SBF2: variants seen among roughly 807,000 people sequenced by gnomAD.
The protein encoded by SBF2 is SET binding factor 2.
SBF2 carries 112 observed loss-of-function variants against 225.2 expected under a neutral mutation model. The observed-to-expected ratio is 0.50, with a 90% CI of 0.43 to 0.58. SBF2 has a LOEUF of 0.58. Ranked by LOEUF, SBF2 falls within the 20% of genes least tolerant of loss-of-function variation. The probability of loss-of-function intolerance (pLI) is 0.00; values close to 1 mark genes in which losing one functional copy is unlikely to be tolerated. For missense variants in SBF2, 1,996 were observed against 2,206.2 expected, an observed-to-expected ratio of 0.90 and a Z score of 1.91; for synonymous variants, 763 against 773.3, an observed-to-expected ratio of 0.99 and a Z score of 0.22.
At chr11:10,254,900 C>CAAAAAAAAAAAAAAAAAAAAAA (rs71034757) in intron 1 of SBF2, among the ~76,000 whole-genome samples, 21 of 44,074 alleles carry the variant, frequency 4.8e-4, no homozygotes, top group East Asian at 9.3e-4. Context: ...GACTCTGTCT[C>CAAAAAAAAAAAAAAAAAAAAAA]AAAAAAAAAA....
chr11:10,267,004 G>A (rs1459945119), intron 1 of SBF2, among the ~76,000 whole-genome samples: 2 of 152,230 alleles, frequency 1.3e-5, no homozygotes, highest in Non-Finnish European at 2.9e-5. Context: ...TGAGGCAGGA[G>A]AATCGCTTGA....
chr11:9,787,684 G>T lies in SBF2; in HGVS notation c.4987C>A (p.Leu1663Met), dbSNP rs1299342301. ...AGGTCCACGGTTACCCTTTCCCACA[G>T]CTGCTGCCACTTCTCAGGGGCTTGG... ...LNQAPEKWQQ[L>M]WERVTVDLKE... The change falls in exon 36 of 40, where the codon CTG becomes ATG. Residue 1663 changes from leucine to methionine, a missense_variant. Physicochemically the swap from Leu to Met is conservative, Grantham distance 15. Coordinates refer to ENST00000256190, the MANE Select transcript of SBF2 (RefSeq NM_030962.4). The T allele has an allele frequency of 6.2e-7, 1 of 1,614,182 alleles. No homozygotes were observed. The highest frequency in any genetic ancestry group is 1.7e-5 in the Admixed American group (1 of 60,014).
intron 29 of SBF2, among the ~76,000 whole-genome samples, chr11:9,813,435 C>T (rs1590141922): frequency 6.6e-6 from 1 of 152,150 alleles, no homozygotes; most frequent in Middle Eastern, 3.2e-3. Context: ...TCAAGCGATT[C>T]TCCTGCCTCA....
At chr11:10,159,586 TC>T (rs1955634767) in intron 2 of SBF2, among the ~76,000 whole-genome samples, 2 of 152,112 alleles carry the variant, frequency 1.3e-5, no homozygotes, top group Admixed American at 1.3e-4. Context: ...CTCACTGGCT[TC>T]CCCCTAAGTT....
chr11:9,812,422 T>G, intron 30 of SBF2, 110 bp downstream of exon 30: 1 of 1,124,254 alleles, frequency 8.9e-7, no homozygotes, highest in Non-Finnish European at 1.3e-6. Context: ...AGGAGGAGAA[T>G]GTTGGGGAGT....
At chr11:10,177,157 ACT>A (rs1956501736) in intron 2 of SBF2, among the ~76,000 whole-genome samples, 1 of 151,824 alleles carries the variant, frequency 6.6e-6, no homozygotes, top group African/African-American at 2.4e-5. Flanking sequence ...CATGCTAAAA[ACT>A]CTCAATAAAT....
chr11:10,218,327 C>T (rs747784798), intron 1 of SBF2, among the ~76,000 whole-genome samples: 1 of 115,284 alleles, frequency 8.7e-6, no homozygotes, highest in Admixed American at 9.3e-5. Flanking sequence ...CCCACCCCCC[C>T]CCCCACCCAA....
At chr11:10,278,619 A>G (rs978313867) in intron 1 of SBF2, among the ~76,000 whole-genome samples, 1 of 151,960 alleles carries the variant, frequency 6.6e-6, no homozygotes, top group Non-Finnish European at 1.5e-5. Context: ...TGTCTCTACT[A>G]AAAATACAAA....
rs114127500 is a variant in SBF2, at chr11:10,005,633, T to C, written c.620-2944A>G. Among the ~76,000 whole-genome samples the C allele has an allele frequency of 3.5e-3, 530 of 152,294 alleles. 4 individuals are homozygous for C. The highest frequency in any genetic ancestry group is 0.011 in the African/African-American group (451 of 41,548). ...TCTTCTGAAGAAGCAAGAATTGAGA[T>C]TGCTGCAGACCTCTATGGATTTGCT... On this transcript the variant is annotated intron_variant, in intron 6 of 39. Transcript: ENST00000256190.
chr11:9,876,819 A>G (rs748450658), intron 17 of SBF2, among the ~76,000 whole-genome samples: 1 of 152,112 alleles, frequency 6.6e-6, no homozygotes, highest in Non-Finnish European at 1.5e-5. Context: ...GGCTCACTGC[A>G]ACCTCTGCCT....
chr11:9,790,900 T>C (rs185221690), intron 33 of SBF2: 93 of 440,720 alleles, frequency 2.1e-4, no homozygotes, highest in Admixed American at 4.2e-4. Flanking sequence ...AAACATCTGA[T>C]AAAGTTTGCC....
intron 16 of SBF2, among the ~76,000 whole-genome samples, chr11:9,942,094 C>G (rs1220543402): frequency 6.6e-6 from 1 of 152,096 alleles, no homozygotes; most frequent in Non-Finnish European, 1.5e-5. Flanking sequence ...TTTTTTGAGG[C>G]AGGGTCTCGT....
chr11:10,014,295 A>G (rs979259486), intron 6 of SBF2, among the ~76,000 whole-genome samples: 1 of 152,170 alleles, frequency 6.6e-6, no homozygotes, highest in Non-Finnish European at 1.5e-5. Context: ...GAACATATAC[A>G]TGCATATGTA....
intron 14 of SBF2, among the ~76,000 whole-genome samples, chr11:9,966,343 GC>G (rs1245659642): frequency 1.3e-5 from 2 of 152,262 alleles, no homozygotes; most frequent in Admixed American, 1.3e-4. Flanking sequence ...GCCCACCTTG[GC>G]TTCCCAAAGT....
intron 17 of SBF2, among the ~76,000 whole-genome samples, chr11:9,889,371 A>C (rs1455464826): frequency 1.3e-5 from 2 of 152,232 alleles, no homozygotes; most frequent in Admixed American, 6.5e-5. Context: ...AAATGGAAAT[A>C]ATAACTAGGT....
At chr11:9,825,167 G>C (rs569080216) in intron 28 of SBF2, among the ~76,000 whole-genome samples, 2 of 152,194 alleles carry the variant, frequency 1.3e-5, no homozygotes, top group South Asian at 2.1e-4. Flanking sequence ...AGTAGAATGG[G>C]CCCCTAATTC....
intron 2 of SBF2, among the ~76,000 whole-genome samples, chr11:10,123,033 G>A (rs75264274): frequency 0.075 from 11,435 of 152,070 alleles, 616 homozygotes; most frequent in East Asian, 0.28. Context: ...CATTTCATGA[G>A]TCACCACACA....
chr11:9,789,378 C>A (rs781443730), intron 34 of SBF2, 36 bp from the exon 35 acceptor site: 2 of 1,489,030 alleles, frequency 1.3e-6, no homozygotes, highest in East Asian at 4.5e-5. Flanking sequence ...TTCATCTTGA[C>A]CCCAAAGTAC....
chr11:10,192,948 G>GT (rs1365113592), intron 2 of SBF2, among the ~76,000 whole-genome samples: 1 of 152,098 alleles, frequency 6.6e-6, no homozygotes, highest in Non-Finnish European at 1.5e-5. Context: ...CACCTTTCTA[G>GT]TCCCTCAGTT....
Sources: gnomAD v4.1 joint callset for allele counts (sites outside exome capture counted in the v4.1 genomes callset) on GRCh38, gnomAD v4.1.1 for gene constraint, MANE v1.5 for transcripts, NCBI Gene and HGNC (gene_info 2026-07-23, HGNC 2026-07-21) for gene names.